UBE3A: variants seen among roughly 807,000 people sequenced by gnomAD.
The protein encoded by UBE3A is ubiquitin-protein ligase E3A.
UBE3A carries 6 observed loss-of-function variants against 83.4 expected under a neutral mutation model. That is an observed-to-expected ratio of 0.07 (90% CI 0.04 to 0.14). The LOEUF is 0.14. Ranked by LOEUF, UBE3A falls within the 10% of genes least tolerant of loss-of-function variation. The pLI is 1.00. For missense variants in UBE3A, 456 were observed against 1,036.1 expected (o/e 0.44, Z 7.69); for synonymous variants, 337 against 355.4 (o/e 0.95, Z 0.58).
chr15:25,358,868 G>A (rs2077604788), intron 7 of UBE3A, among the ~76,000 whole-genome samples: 1 of 152,106 alleles, frequency 6.6e-6, no homozygotes, highest in African/African-American at 2.4e-5. Context: ...AATGCTTTTA[G>A]TTATAAGTAT....
At chr15:25,382,181 C>T (rs148706080) in intron 4 of UBE3A, among the ~76,000 whole-genome samples, 2 of 151,918 alleles carry the variant, frequency 1.3e-5, no homozygotes, top group East Asian at 2.0e-4. Context: ...ATTAGCTGGG[C>T]GCCGTGGTGG....
Position 25,334,953 on chromosome 15 carries a change from A to C in UBE3A, c.*4184T>G, listed in dbSNP as rs192824553. Reference sequence around the variant, plus strand: ...GGTGGCAACACTGACAAGATAACAGAAAGATGGAGGTAATAACATGTGAAA... The same window carrying C: ...GGTGGCAACACTGACAAGATAACAGCAAGATGGAGGTAATAACATGTGAAA... On this transcript the variant is annotated 3_prime_UTR_variant, in exon 13 of 13. Transcript: ENST00000648336. 1 of 152,168 alleles carries C rather than the reference A, an allele frequency of 6.6e-6. No individual in the cohort carries two copies. Among genetic ancestry groups the C allele is most frequent in the African/African-American group, 2.4e-5 (1 of 41,412 alleles). The allele number at this position is 152,168 out of a possible 1,614,324, so 9.4% of individuals were successfully genotyped here.
At chr15:25,378,613 GA>G (rs1176308691) in intron 4 of UBE3A, among the ~76,000 whole-genome samples, 3 of 152,242 alleles carry the variant, frequency 2.0e-5, no homozygotes, top group African/African-American at 7.2e-5. Flanking sequence ...AGATCTCAAA[GA>G]AAGTACAGAA....
At chr15:25,413,281 T>G (rs538996558) in intron 1 of UBE3A, among the ~76,000 whole-genome samples, 1 of 152,292 alleles carries the variant, frequency 6.6e-6, no homozygotes, top group South Asian at 2.1e-4. Context: ...TTGATCTATA[T>G]CTACCTCCCT....
chr15:25,357,836 A>G (rs1333895421), intron 7 of UBE3A, among the ~76,000 whole-genome samples: 1 of 152,084 alleles, frequency 6.6e-6, no homozygotes, highest in Non-Finnish European at 1.5e-5. Flanking sequence ...AATACGTAAA[A>G]GAAAAGTAGT....
At position 25,382,621 on chromosome 15, in the gene UBE3A, AAATAGAAAATTTTTGC is replaced by A. The variant is rs1361596664; in HGVS notation, c.63-6874_63-6859del. The stretch of plus-strand genomic sequence containing the variant: ...ATTACAGCTAAAATAAAATAGAGAA[AAATAGAAAATTTTTGC>A]AATAGAAAAAAAATCAACAAAATTA... On this transcript the variant is annotated intron_variant, in intron 4 of 12. Coordinates refer to ENST00000648336, the MANE Select transcript of UBE3A (RefSeq NM_130839.5). Among the ~76,000 whole-genome samples, 7 of 152,098 alleles carry A rather than the reference AAATAGAAAATTTTTGC, an allele frequency of 4.6e-5. No individual in the cohort carries two copies. The East Asian group carries it at 7.7e-4, about 17-fold the overall frequency.
chr15:25,402,186 T>C lies in UBE3A; in HGVS notation c.62+3275A>G, dbSNP rs562960832. Among the ~76,000 whole-genome samples, 5 of 152,318 alleles carry C rather than the reference T, an allele frequency of 3.3e-5. No homozygotes were observed. In the East Asian group the frequency reaches 9.7e-4, roughly 29 times the overall value. On this transcript the variant is annotated intron_variant, in intron 4 of 12. Transcript: ENST00000648336. ...TGTTCCAGTCTTTGCAGAGTGACTT[T>C]ATTGGGTAAAGCCCTTCACCAGTCA... is the stretch of plus-strand genomic sequence containing the variant.
intron 4 of UBE3A, among the ~76,000 whole-genome samples, chr15:25,386,376 C>CA (rs2152928210): frequency 6.6e-6 from 1 of 152,248 alleles, no homozygotes; most frequent in South Asian, 2.1e-4. Context: ...GGACCAGATA[C>CA]AGCAGGGATT....
intron 8 of UBE3A, among the ~76,000 whole-genome samples, chr15:25,356,371 C>T (rs2077214354): frequency 6.6e-6 from 1 of 152,138 alleles, no homozygotes; most frequent in African/African-American, 2.4e-5. Context: ...CTCGTTGTAA[C>T]TACCAAGACC....
In UBE3A at chr15:25,438,662, G is replaced by A. The variant is rs1290954898; in HGVS notation, c.-338C>T. 2 of 152,520 alleles carry A rather than the reference G, an allele frequency of 1.3e-5. No individual in the cohort carries two copies. Among genetic ancestry groups the A allele is most frequent in the East Asian group, 1.9e-4 (1 of 5,172 alleles). 9.4% of individuals were successfully genotyped at this position (152,520 alleles called of 1,614,324 possible). On this transcript the variant is annotated 5_prime_UTR_variant, in exon 1 of 13. Transcript: ENST00000648336. ...ACGAGGCCGGGAAAGGGAGCGCCGG[G>A]GCCGCCGAAATCCCGGCGTTCGTCG...
intron 6 of UBE3A, among the ~76,000 whole-genome samples, chr15:25,367,344 A>G (rs2079487040): frequency 6.6e-6 from 1 of 151,308 alleles, no homozygotes; most frequent in East Asian, 1.9e-4. Flanking sequence ...GTAAATTTGT[A>G]AATATGGTTT....
At chr15:25,411,010 G>A (rs183923138) in intron 2 of UBE3A, among the ~76,000 whole-genome samples, 26 of 152,200 alleles carry the variant, frequency 1.7e-4, no homozygotes, top group African/African-American at 6.3e-4. Context: ...TTGACTAATT[G>A]ACCTCAATGT....
intron 11 of UBE3A, among the ~76,000 whole-genome samples, chr15:25,341,744 C>G (rs1485142977): frequency 9.6e-6 from 1 of 103,666 alleles, no homozygotes; most frequent in Non-Finnish European, 1.8e-5. Flanking sequence ...GCCTGGGAAA[C>G]ATTTTGAGCC....
At chr15:25,398,190 A>AAAAAAC (rs2086040175) in intron 4 of UBE3A, among the ~76,000 whole-genome samples, 1 of 98,342 alleles carries the variant, frequency 1.0e-5, no homozygotes, top group East Asian at 2.9e-4. Flanking sequence ...AAAAAAAAAA[A>AAAAAAC]ACACAAAAAA....
At chr15:25,351,756 A>G (rs2076540030) in intron 11 of UBE3A, among the ~76,000 whole-genome samples, 1 of 152,212 alleles carries the variant, frequency 6.6e-6, no homozygotes, top group East Asian at 1.9e-4. Flanking sequence ...CAGGTGCTGA[A>G]AAAGCTCTCC....
chr15:25,436,684 A>G (rs773911891), intron 1 of UBE3A, among the ~76,000 whole-genome samples: 14 of 152,192 alleles, frequency 9.2e-5, no homozygotes, highest in Admixed American at 2.6e-4. Context: ...GGACTGCACA[A>G]GTGGGATGAG....
intron 1 of UBE3A, among the ~76,000 whole-genome samples, chr15:25,429,299 T>C (rs572920324): frequency 6.6e-6 from 1 of 152,304 alleles, no homozygotes; most frequent in South Asian, 2.1e-4. Flanking sequence ...TAAAAGTGAT[T>C]ATATAACTGC....
chr15:25,402,561 C>A (rs752204132), intron 4 of UBE3A, among the ~76,000 whole-genome samples: 1 of 152,140 alleles, frequency 6.6e-6, no homozygotes, highest in Non-Finnish European at 1.5e-5. Context: ...TGGGGTGGGC[C>A]TCCAAGCTTG....
At chr15:25,375,154 T>C (rs2080996075) in intron 5 of UBE3A, 1 of 315,820 alleles carries the variant, frequency 3.2e-6, no homozygotes, top group South Asian at 3.4e-5. Flanking sequence ...AGTTATTCTA[T>C]AACTTAAATA....
Sources: gnomAD v4.1 joint callset for allele counts (sites outside exome capture counted in the v4.1 genomes callset) on GRCh38, gnomAD v4.1.1 for gene constraint, MANE v1.5 for transcripts, NCBI Gene and HGNC (gene_info 2026-07-23, HGNC 2026-07-21) for gene names.